Variants in MPHOSPH9 observed in about 807,000 individuals in gnomAD.
MPHOSPH9 encodes M-phase phosphoprotein 9.
Under a neutral mutation model 145.5 loss-of-function variants are expected in MPHOSPH9, and 88 were observed. The ratio of observed to expected loss-of-function variants is 0.60; its 90% confidence interval spans 0.51 to 0.72. The LOEUF is 0.72. MPHOSPH9 is among the 30% of genes least tolerant of loss of function. The pLI is 0.00. For synonymous variants in MPHOSPH9, 435 were observed against 486.2 expected, an observed-to-expected ratio of 0.89 and a Z score of 1.39; for missense variants, 1,238 against 1,386.6, an observed-to-expected ratio of 0.89 and a Z score of 1.70.
chr12:123,166,501 A>G (rs2044326598), intron 17 of MPHOSPH9, 154 bp downstream of exon 17: 1 of 866,362 alleles, frequency 1.2e-6, no homozygotes, highest in Non-Finnish European at 1.8e-6. Flanking sequence ...AAATATTCTA[A>G]AAGTAGTAGC....
chr12:123,239,381 CAT>C, intron 1 of MPHOSPH9, among the ~76,000 whole-genome samples: 1 of 150,324 alleles, frequency 6.7e-6, no homozygotes, highest in Middle Eastern at 3.4e-3. Context: ...TAGAATTTCA[CAT>C]GTGGGTAGCA....
chr12:123,170,093 T>TCAGCCTCCCGAG (rs1460958679), intron 16 of MPHOSPH9, among the ~76,000 whole-genome samples: 1 of 150,636 alleles, frequency 6.6e-6, no homozygotes, highest in Non-Finnish European at 1.5e-5. Flanking sequence ...TTCTCCCACC[T>TCAGCCTCCCGAG]CAGCCTCCCG....
At chr12:123,209,152 TG>T (rs2138435716) in intron 8 of MPHOSPH9, among the ~76,000 whole-genome samples, 1 of 151,786 alleles carries the variant, frequency 6.6e-6, no homozygotes, top group African/African-American at 2.4e-5. Context: ...AGGCTGGTCT[TG>T]AACTCCCAAC....
intron 11 of MPHOSPH9, among the ~76,000 whole-genome samples, chr12:123,200,840 G>C (rs1189973417): frequency 6.6e-6 from 1 of 151,742 alleles, no homozygotes; most frequent in Non-Finnish European, 1.5e-5. Context: ...TGTATATTTA[G>C]TAGAGACAGA....
chr12:123,236,152 A>T (rs1013668545), upstream of MPHOSPH9, among the ~76,000 whole-genome samples: 10 of 152,226 alleles, frequency 6.6e-5, no homozygotes, highest in Admixed American at 6.5e-4. Flanking sequence ...ATCTGGAGAT[A>T]TGAAAGGTAA....
chr12:123,220,827 G>T (rs996050763), intron 5 of MPHOSPH9, among the ~76,000 whole-genome samples: 3 of 152,062 alleles, frequency 2.0e-5, no homozygotes, highest in African/African-American at 7.2e-5. Flanking sequence ...AGGCAGAGGC[G>T]GGCAGATCAC....
intron 15 of MPHOSPH9, among the ~76,000 whole-genome samples, chr12:123,178,518 C>T (rs1391952273): frequency 1.3e-5 from 2 of 151,692 alleles, no homozygotes; most frequent in Non-Finnish European, 2.9e-5. Flanking sequence ...TTTCTCTTTT[C>T]TATCTTTCAT....
intron 1 of MPHOSPH9, among the ~76,000 whole-genome samples, chr12:123,239,122 A>C (rs762834062): frequency 6.6e-6 from 1 of 152,144 alleles, no homozygotes; most frequent in Non-Finnish European, 1.5e-5. Context: ...TCCAAAAATT[A>C]GCCAGGCATG....
chr12:123,221,884 C>A lies in MPHOSPH9; in HGVS notation c.360G>T (p.Glu120Asp). The A allele has an allele frequency of 6.4e-7, 1 of 1,555,632 alleles. No homozygotes were observed. Among genetic ancestry groups the A allele is most frequent in the Non-Finnish European group, 8.7e-7 (1 of 1,150,706 alleles). ...QFHNQIQHIQEEIKNLVKLQT... is the reference protein window; with the variant it reads ...QFHNQIQHIQDEIKNLVKLQT... Reference sequence around the variant, plus strand: ...GTAATTTGACTAAATTTTTTATCTCCTCCTGTATATGCTGGAAATAAAAAG... The same window carrying A: ...GTAATTTGACTAAATTTTTTATCTCATCCTGTATATGCTGGAAATAAAAAG... Residue 120 changes from glutamate (E) to aspartate (D), a missense_variant, in exon 5 of 24, where the codon GAG becomes GAT. Physicochemically the swap from Glu to Asp is conservative, Grantham distance 45. Around this residue, in one of 3 missense-constraint regions of MPHOSPH9, gnomAD observed 837 missense variants for 897.5 expected, o/e 0.93. Transcript: ENST00000606320.
intron 1 of MPHOSPH9, among the ~76,000 whole-genome samples, chr12:123,231,251 G>A (rs1215852913): frequency 1.3e-5 from 2 of 152,044 alleles, no homozygotes; most frequent in South Asian, 2.1e-4. Context: ...GGATTATAGC[G>A]CAAACCATTT....
chr12:123,174,375 A>ATTT lies in MPHOSPH9; in HGVS notation c.2456+2310_2456+2312dup, dbSNP rs55827423. Among the ~76,000 whole-genome samples the ATTT allele has an allele frequency of 3.2e-3, 462 of 142,800 alleles. 10 individuals are homozygous for ATTT. The highest frequency in any genetic ancestry group is 3.7e-3 in the East Asian group (18 of 4,892). 93.7% of individuals were successfully genotyped at this position (142,800 alleles called of 152,430 possible). On this transcript the variant is annotated intron_variant, in intron 16 of 23. Transcript: ENST00000606320. ...CACCATCTAGAAAGAGACGACTCCA[A>ATTT]TTTTTTTTTTTTTTTGAGACGGAGT...
At chr12:123,238,972 C>T (rs955625100) in intron 1 of MPHOSPH9, among the ~76,000 whole-genome samples, 5 of 152,090 alleles carry the variant, frequency 3.3e-5, no homozygotes, top group Admixed American at 3.3e-4. Flanking sequence ...AAAAGAATAT[C>T]TCAATTTTAA....
intron 11 of MPHOSPH9, among the ~76,000 whole-genome samples, chr12:123,201,727 C>T (rs780725392): frequency 9.3e-4 from 141 of 152,050 alleles, no homozygotes; most frequent in Non-Finnish European, 1.1e-3. Flanking sequence ...ACTACTAATA[C>T]TAGTAGTGAA....
chr12:123,163,960 T>C lies in MPHOSPH9; in HGVS notation c.2898A>G (p.Ser966=). 1 of 1,614,080 alleles carries C rather than the reference T, an allele frequency of 6.2e-7. No individual in the cohort carries two copies. The highest frequency in any genetic ancestry group is 8.5e-7 in the Non-Finnish European group (1 of 1,179,984). ...SSSLPPSNRK[S]STPTKREIML... Reference sequence around the variant, plus strand: ...ACATCTAACTCTTACTTGGAGTACTTGATTTACGATTTGAAGGTGGTAAAG... The same window carrying C: ...ACATCTAACTCTTACTTGGAGTACTCGATTTACGATTTGAAGGTGGTAAAG... Residue 966 remains serine (S), a synonymous_variant, in exon 19 of 24, where the codon TCA becomes TCG. Transcript: ENST00000606320.
At chr12:123,214,925 G>C in intron 6 of MPHOSPH9, 91 bp from the exon 7 acceptor site, 1 of 1,054,538 alleles carries the variant, frequency 9.5e-7, no homozygotes. Context: ...CAAACCAGGT[G>C]GGGAGAAACC....
rs1198981293 is a variant in MPHOSPH9 at position 123,159,798 on chromosome 12, A to C, written c.3450+983T>G. 1 of 152,206 alleles carries C rather than the reference A, an allele frequency of 6.6e-6. No individual in the cohort carries two copies. Among genetic ancestry groups the C allele is most frequent in the African/African-American group, 2.4e-5 (1 of 41,448 alleles). 9.4% of individuals were successfully genotyped at this position (152,206 alleles called of 1,614,324 possible). A position where few individuals can be genotyped will look rare whatever the true frequency, so the allele number is the denominator to read the frequency against. On this transcript the variant is annotated intron_variant, in intron 23 of 23. Transcript: ENST00000606320. This position sits in a 1 kb window ranked among gnomAD's most constrained non-coding sequence, Gnocchi z 4.3. Reference sequence around the variant, plus strand: ...GGTTAAATACGTTACTGCTGATGGAATATTGTACGTTAATTTAAAAGGATG... The same window carrying C: ...GGTTAAATACGTTACTGCTGATGGACTATTGTACGTTAATTTAAAAGGATG...
chr12:123,182,639 T>C (rs2045236189), intron 13 of MPHOSPH9, among the ~76,000 whole-genome samples: 1 of 150,902 alleles, frequency 6.6e-6, no homozygotes, highest in Non-Finnish European at 1.5e-5. Flanking sequence ...AGGCTGGGCA[T>C]GGTGGCTCAT....
At chr12:123,229,850 G>A (rs1273948310) in intron 2 of MPHOSPH9, among the ~76,000 whole-genome samples, 2 of 140,936 alleles carry the variant, frequency 1.4e-5, no homozygotes, top group African/African-American at 5.3e-5. Flanking sequence ...GAGACAGAGT[G>A]TCGCTCTGTC....
intron 13 of MPHOSPH9, among the ~76,000 whole-genome samples, chr12:123,186,871 G>A (rs2045466981): frequency 1.3e-5 from 2 of 152,180 alleles, no homozygotes; most frequent in Admixed American, 1.3e-4. Flanking sequence ...TGAGGCAAGA[G>A]AATTGTTTGA....
Sources: gnomAD v4.1 joint callset for allele counts (sites outside exome capture counted in the v4.1 genomes callset) on GRCh38, gnomAD v4.1.1 for gene constraint, gnomAD v4.1.1 regional missense constraint, Gnocchi (gnomAD v3.1) non-coding constraint, MANE v1.5 for transcripts, NCBI Gene and HGNC (gene_info 2026-07-23, HGNC 2026-07-21) for gene names.